ASTN2: variants seen among roughly 807,000 people sequenced by gnomAD.
ASTN2 encodes astrotactin 2.
A neutral mutation model predicts 139.8 loss-of-function variants in ASTN2; 54 were observed. That is an observed-to-expected ratio of 0.39 (90% CI 0.31 to 0.48). The LOEUF is 0.48. ASTN2 is among the 20% of genes least tolerant of loss of function. ASTN2 has a pLI of 0.95. For missense variants in ASTN2, 1,565 were observed against 1,725.1 expected, an observed-to-expected ratio of 0.91 and a Z score of 1.64; for synonymous variants, 756 against 719.5, an observed-to-expected ratio of 1.05 and a Z score of -0.81.
chr9:116,578,299 C>T (rs1195670379), intron 19 of ASTN2, among the ~76,000 whole-genome samples: 1 of 152,096 alleles, frequency 6.6e-6, no homozygotes, highest in Non-Finnish European at 1.5e-5. Flanking sequence ...AAGTCCCCAT[C>T]ATTGTTAAAA....
intron 7 of ASTN2, among the ~76,000 whole-genome samples, chr9:116,998,782 C>CTTATTG (rs1837097304): frequency 6.6e-6 from 1 of 152,102 alleles, no homozygotes; most frequent in East Asian, 1.9e-4. Context: ...GTGGATTTTA[C>CTTATTG]CTACTTATTG....
rs803941 is a variant in ASTN2 at position 116,690,688 on chromosome 9, A to T, written c.2806+35083T>A. On this transcript the variant is annotated intron_variant, in intron 16 of 22. Coordinates refer to ENST00000313400, the MANE Select transcript of ASTN2 (RefSeq NM_001365068.1). ...TTAGTAATTTTATGGCTGGGAGTTGATACTGGGATTTGAATCCTTGCTCTA... is the reference window on the plus strand; with the variant it reads ...TTAGTAATTTTATGGCTGGGAGTTGTTACTGGGATTTGAATCCTTGCTCTA... 5.2e-3 allele frequency among the ~76,000 whole-genome samples: 795 copies of T among 152,300 alleles called. 7 individuals carry two copies. The highest frequency in any genetic ancestry group is 0.018 in the African/African-American group (763 of 41,558).
chr9:117,129,811 T>C (rs1829786720), intron 4 of ASTN2, among the ~76,000 whole-genome samples: 1 of 152,194 alleles, frequency 6.6e-6, no homozygotes, highest in African/African-American at 2.4e-5. Flanking sequence ...TAATACTCTC[T>C]ATTCCTAAGG....
chr9:117,067,290 C>A (rs1325949799), intron 5 of ASTN2, among the ~76,000 whole-genome samples: 1 of 135,162 alleles, frequency 7.4e-6, no homozygotes, highest in Non-Finnish European at 1.7e-5. Context: ...TTGTTTTTCT[C>A]AGGTTTGTCA....
chr9:117,043,483 C>T (rs906965933), intron 5 of ASTN2, among the ~76,000 whole-genome samples: 13 of 152,152 alleles, frequency 8.5e-5, no homozygotes, highest in African/African-American at 2.9e-4. Context: ...CTCCACAGGG[C>T]TAATTTTTGG....
At chr9:116,912,036 C>G (rs964927451) in intron 10 of ASTN2, among the ~76,000 whole-genome samples, 2 of 152,206 alleles carry the variant, frequency 1.3e-5, no homozygotes, top group African/African-American at 4.8e-5. Flanking sequence ...CATTCTAACT[C>G]CAGGAAGCTT....
At chr9:117,289,598 T>G (rs1483608042) in intron 2 of ASTN2, among the ~76,000 whole-genome samples, 3 of 152,166 alleles carry the variant, frequency 2.0e-5, no homozygotes, top group Non-Finnish European at 4.4e-5. Context: ...TGAACATTGG[T>G]CAAAATTGAG....
intron 2 of ASTN2, among the ~76,000 whole-genome samples, chr9:117,246,249 A>C (rs1327335108): frequency 6.6e-6 from 1 of 152,228 alleles, no homozygotes; most frequent in Non-Finnish European, 1.5e-5. Flanking sequence ...CAATTCTTGC[A>C]AGAGATTCAC....
At chr9:116,553,977 AATGT>A (rs1178330330) in intron 19 of ASTN2, among the ~76,000 whole-genome samples, 1 of 152,238 alleles carries the variant, frequency 6.6e-6, no homozygotes, top group African/African-American at 2.4e-5. Context: ...CGAATGAATG[AATGT>A]ATGAATAAAT....
chr9:117,275,986 C>T (rs746933405), intron 2 of ASTN2, among the ~76,000 whole-genome samples: 2 of 152,118 alleles, frequency 1.3e-5, no homozygotes, highest in African/African-American at 4.8e-5. Flanking sequence ...CAGGGGAACA[C>T]AATTCAGTCC....
intron 13 of ASTN2, among the ~76,000 whole-genome samples, chr9:116,771,854 G>T (rs565235442): frequency 9.9e-5 from 15 of 152,262 alleles, no homozygotes; most frequent in Middle Eastern, 3.4e-3. Flanking sequence ...AGGCCAAGAG[G>T]CCAGGCAGCC....
chr9:116,989,040 T>C (rs1836765229), intron 7 of ASTN2, among the ~76,000 whole-genome samples: 1 of 152,094 alleles, frequency 6.6e-6, no homozygotes, highest in Non-Finnish European at 1.5e-5. Flanking sequence ...GAACAAAACC[T>C]GAAACAGCAA....
chr9:117,280,519 G>A (rs957195164), intron 2 of ASTN2, among the ~76,000 whole-genome samples: 3 of 152,172 alleles, frequency 2.0e-5, no homozygotes, highest in African/African-American at 7.2e-5. Context: ...ACAGGAGAAT[G>A]TAGTATGGAG....
At chr9:116,996,683 C>T (rs1837028045) in intron 7 of ASTN2, among the ~76,000 whole-genome samples, 1 of 152,078 alleles carries the variant, frequency 6.6e-6, no homozygotes. Flanking sequence ...GAAGAAATGA[C>T]TCCCCATTAA....
At chr9:116,977,596 A>G (rs1205745031) in intron 7 of ASTN2, among the ~76,000 whole-genome samples, 2 of 151,964 alleles carry the variant, frequency 1.3e-5, no homozygotes, top group East Asian at 3.9e-4. Context: ...CATATGTCCA[A>G]TTTCCTAGCA....
chr9:116,602,589 A>G (rs1409773140), intron 19 of ASTN2, among the ~76,000 whole-genome samples: 2 of 152,194 alleles, frequency 1.3e-5, no homozygotes, highest in Non-Finnish European at 2.9e-5. Flanking sequence ...ATACTACTCC[A>G]TCATTGTTCT....
intron 10 of ASTN2, among the ~76,000 whole-genome samples, chr9:116,871,279 TA>T (rs1361221851): frequency 2.0e-5 from 3 of 152,076 alleles, no homozygotes; most frequent in African/African-American, 7.2e-5. Flanking sequence ...ATAAATAAAA[TA>T]AAATAAAAAA....
intron 6 of ASTN2, among the ~76,000 whole-genome samples, chr9:117,011,084 T>C (rs1837518280): frequency 6.6e-6 from 1 of 152,214 alleles, no homozygotes; most frequent in African/African-American, 2.4e-5. Flanking sequence ...ACAAGCTCTG[T>C]GAAATCTCAA....
intron 10 of ASTN2, among the ~76,000 whole-genome samples, chr9:116,965,042 T>C (rs760796941): frequency 2.6e-5 from 4 of 152,238 alleles, no homozygotes; most frequent in Non-Finnish European, 5.9e-5. Context: ...GGTTCAGAGA[T>C]GGCAAACACA....
Sources: gnomAD v4.1 joint callset for allele counts (sites outside exome capture counted in the v4.1 genomes callset) on GRCh38, gnomAD v4.1.1 for gene constraint, MANE v1.5 for transcripts, NCBI Gene and HGNC (gene_info 2026-07-23, HGNC 2026-07-21) for gene names.